Variants in WSCD2 observed in about 807,000 individuals in gnomAD.
The protein encoded by WSCD2 is WSC domain sialate O sulfotransferase 2, also known as sialate:O-sulfotransferase 2.
Under a neutral mutation model 55.7 loss-of-function variants are expected in WSCD2, and 28 were observed. That is an observed-to-expected ratio of 0.50 (90% confidence interval 0.37 to 0.69). WSCD2 has a LOEUF of 0.69. Among genes scored for constraint, WSCD2 ranks in the 30% least tolerant of loss-of-function variants. WSCD2 has a pLI of 0.00. For synonymous variants in WSCD2, 301 were observed against 301.9 expected (o/e 1.00, Z 0.03); for missense variants, 616 against 762.1 (o/e 0.81, Z 2.26).
At chr12:108,181,109 G>A (rs1047653170) in intron 1 of WSCD2, among the ~76,000 whole-genome samples, 4 of 152,194 alleles carry the variant, frequency 2.6e-5, no homozygotes, top group South Asian at 2.1e-4. Flanking sequence ...GGCAGAGGGC[G>A]TCCTGTGCTA....
chr12:108,163,790 C>T (rs983581357), intron 1 of WSCD2, among the ~76,000 whole-genome samples: 4 of 152,170 alleles, frequency 2.6e-5, no homozygotes, highest in Non-Finnish European at 5.9e-5. Context: ...CCAGCAGGAA[C>T]CAGCCCTGCA....
At chr12:108,190,941 G>A (rs1883084159) in intron 1 of WSCD2, among the ~76,000 whole-genome samples, 2 of 152,316 alleles carry the variant, frequency 1.3e-5, no homozygotes, top group South Asian at 4.2e-4. Context: ...CTCTGGGAGG[G>A]GCATTCTATG....
rs911029634 is a variant in WSCD2 at position 108,248,638 on chromosome 12, C to T, written c.*295C>T. ...CTCCTGGGTCCCTGCCCCCACCACT[C>T]TGGGTTCCATTTGTGGGAGGGAGGG... On this transcript the variant is annotated 3_prime_UTR_variant, in exon 9 of 9. Transcript: ENST00000547525. This position sits in a 1 kb window ranked among gnomAD's most constrained non-coding sequence, Gnocchi z 4.3. 3.5e-5 allele frequency: 40 copies of T among 1,128,752 alleles called. No individual in the cohort carries two copies. Among genetic ancestry groups the T allele is most frequent in the Non-Finnish European group, 4.0e-5 (37 of 917,686 alleles). The allele number at this position is 1,128,752 out of a possible 1,614,324, so 69.9% of individuals were successfully genotyped here.
At chr12:108,159,219 T>C (rs1878822142) in intron 1 of WSCD2, among the ~76,000 whole-genome samples, 1 of 152,218 alleles carries the variant, frequency 6.6e-6, no homozygotes, top group South Asian at 2.1e-4. Context: ...GACCTCCTTC[T>C]CCAGCTGACT....
chr12:108,150,514 T>C (rs1877868230), intron 1 of WSCD2, among the ~76,000 whole-genome samples: 1 of 152,056 alleles, frequency 6.6e-6, no homozygotes, highest in East Asian at 1.9e-4. Flanking sequence ...GTGGTGGGGA[T>C]ATTCCAGTGT....
intron 6 of WSCD2, among the ~76,000 whole-genome samples, chr12:108,232,309 G>A (rs564232263): frequency 2.0e-5 from 3 of 152,164 alleles, no homozygotes; most frequent in South Asian, 2.1e-4. Context: ...TTCAGAGCCC[G>A]CAAAATACAA....
intron 1 of WSCD2, among the ~76,000 whole-genome samples, chr12:108,143,976 C>T (rs1400597648): frequency 6.6e-6 from 1 of 152,176 alleles, no homozygotes; most frequent in Non-Finnish European, 1.5e-5. Context: ...GTGCCCCATC[C>T]ACGGGGCACA....
chr12:108,210,434 G>C lies in WSCD2; in HGVS notation c.682+129G>C. 7.9e-7 allele frequency: 1 copy of C among 1,265,878 alleles called. No homozygotes were observed. Among genetic ancestry groups the C allele is most frequent in the South Asian group, 1.5e-5 (1 of 65,468 alleles). The allele number at this position is 1,265,878 out of a possible 1,614,324, so 78.4% of individuals were successfully genotyped here. The stretch of plus-strand genomic sequence containing the variant: ...ATCACTCCAAGGCCACCACCGTCCT[G>C]CCCCTGCCTCACCTCTCCCACTCCC... On this transcript the variant is annotated intron_variant, in intron 4 of 8. Coordinates refer to ENST00000547525, the MANE Select transcript of WSCD2 (RefSeq NM_014653.4). The surrounding 1 kb of genome is among the most constrained non-coding windows in gnomAD (Gnocchi z 4.3).
chr12:108,203,796 A>C (rs1327620344), intron 2 of WSCD2, among the ~76,000 whole-genome samples: 1 of 152,224 alleles, frequency 6.6e-6, no homozygotes, highest in Non-Finnish European at 1.5e-5. Context: ...TCCAACTTCA[A>C]GCCCAGCATT....
At chr12:108,140,321 T>C (rs1203767282) in intron 1 of WSCD2, among the ~76,000 whole-genome samples, 2 of 152,170 alleles carry the variant, frequency 1.3e-5, no homozygotes, top group East Asian at 1.9e-4. Flanking sequence ...AAGTGCCAGT[T>C]AGTAACATAA....
intron 7 of WSCD2, among the ~76,000 whole-genome samples, chr12:108,239,289 G>C (rs949793374): frequency 1.3e-5 from 2 of 152,160 alleles, no homozygotes; most frequent in Admixed American, 6.5e-5. Flanking sequence ...TCTTGAGCTA[G>C]TAAGTTTCTC....
chr12:108,227,051 TCCCG>T lies in WSCD2; in HGVS notation c.868_871del (p.Pro290SerfsTer147). 1 of 1,614,198 alleles carries T rather than the reference TCCCG, an allele frequency of 6.2e-7. No homozygotes were observed. On this transcript the variant is annotated frameshift_variant, in exon 6 of 9. Transcript: ENST00000547525. LOFTEE classifies it high-confidence loss of function. Reference sequence around the variant, plus strand: ...CACTGTGGGTTTCCCACCACCCGATTCCCGCTCCATGACAGAGAGGATGAGCAGC... The same window carrying T: ...CACTGTGGGTTTCCCACCACCCGATTCTCCATGACAGAGAGGATGAGCAGC...
chr12:108,134,672 C>T (rs1199805276), intron 1 of WSCD2, among the ~76,000 whole-genome samples: 1 of 152,146 alleles, frequency 6.6e-6, no homozygotes, highest in African/African-American at 2.4e-5. Context: ...CCTGTTTGAC[C>T]CTGGTACCTA....
intron 1 of WSCD2, among the ~76,000 whole-genome samples, chr12:108,132,716 A>G (rs1475834520): frequency 6.6e-6 from 1 of 152,220 alleles, no homozygotes; most frequent in African/African-American, 2.4e-5. Flanking sequence ...CGTGTTTAAG[A>G]AGCTATACTC....
At chr12:108,236,841 C>T (rs144431655) in intron 7 of WSCD2, among the ~76,000 whole-genome samples, 3 of 152,250 alleles carry the variant, frequency 2.0e-5, no homozygotes, top group Non-Finnish European at 4.4e-5. Flanking sequence ...GTTCCCCTTT[C>T]CCTGGGCTTC....
At chr12:108,147,826 C>T (rs1877563019) in intron 1 of WSCD2, among the ~76,000 whole-genome samples, 1 of 151,250 alleles carries the variant, frequency 6.6e-6, no homozygotes, top group Admixed American at 6.6e-5. Flanking sequence ...CACTGCACCC[C>T]AGCCTGGGAG....
chr12:108,249,876 A>T lies in WSCD2; in HGVS notation c.*1533A>T, dbSNP rs903258123. The T allele has an allele frequency of 2.0e-5, 3 of 152,618 alleles. No individual in the cohort carries two copies. Among genetic ancestry groups the T allele is most frequent in the Admixed American group, 1.3e-4 (2 of 15,278 alleles). The allele number at this position is 152,618 out of a possible 1,614,324, so 9.5% of individuals were successfully genotyped here. ...GTAGGATTTGGGCTGCCCCAGGCCC[A>T]CCCAGGGGGCTCTGAATGTATTTTG... On this transcript the variant is annotated 3_prime_UTR_variant, in exon 9 of 9. Coordinates refer to ENST00000547525, the MANE Select transcript of WSCD2 (RefSeq NM_014653.4).
intron 1 of WSCD2, among the ~76,000 whole-genome samples, chr12:108,130,479 T>G (rs763710346): frequency 1.4e-4 from 6 of 42,016 alleles, no homozygotes; most frequent in Admixed American, 6.6e-4. Context: ...TTCTGGGGTG[T>G]GTGTGTGTGT....
chr12:108,149,978 T>C (rs1877804271), intron 1 of WSCD2: 1 of 152,176 alleles, frequency 6.6e-6, no homozygotes, highest in Non-Finnish European at 1.5e-5. Flanking sequence ...AATTTGACTT[T>C]GGATGCTTGG....
Sources: gnomAD v4.1 joint callset for allele counts (sites outside exome capture counted in the v4.1 genomes callset) on GRCh38, gnomAD v4.1.1 for gene constraint, Gnocchi (gnomAD v3.1) non-coding constraint, MANE v1.5 for transcripts, NCBI Gene and HGNC (gene_info 2026-07-23, HGNC 2026-07-21) for gene names.